IQSEC1: variants seen among roughly 807,000 people sequenced by gnomAD.
IQSEC1 encodes the protein IQ motif and SEC7 domain-containing protein 1.
A neutral mutation model predicts 91.0 loss-of-function variants in IQSEC1; 31 were observed. The observed-to-expected ratio is 0.34, with a 90% confidence interval of 0.26 to 0.46. IQSEC1 has a LOEUF of 0.46. IQSEC1 is among the 20% of genes least tolerant of loss of function. The pLI, the probability that IQSEC1 is intolerant of heterozygous loss-of-function variation, is 1.00. For synonymous variants in IQSEC1, 699 were observed against 662.6 expected, an observed-to-expected ratio of 1.05 and a Z score of -0.84; for missense variants, 1,388 against 1,575.6, an observed-to-expected ratio of 0.88 and a Z score of 2.02.
chr3:13,101,171 C>A (rs935325473), intron 2 of IQSEC1, among the ~76,000 whole-genome samples: 1 of 152,150 alleles, frequency 6.6e-6, no homozygotes, highest in Non-Finnish European at 1.5e-5. Flanking sequence ...TGACACGATG[C>A]GACTTCTGTT....
At chr3:13,044,051 A>AAGGCTGCTCAGCTTCCAAGGGCC (rs1162367019) in intron 1 of IQSEC1, among the ~76,000 whole-genome samples, 19 of 152,150 alleles carry the variant, frequency 1.2e-4, no homozygotes, top group African/African-American at 4.6e-4. Context: ...TGCCTCTAGC[A>AAGGCTGCTCAGCTTCCAAGGGCC]AGGCTGCTCA....
At chr3:13,065,183 G>A (rs558993140) in intron 1 of IQSEC1, among the ~76,000 whole-genome samples, 24 of 152,334 alleles carry the variant, frequency 1.6e-4, no homozygotes, top group African/African-American at 5.1e-4. Context: ...CAAGTTGAGC[G>A]TTTCATTGGC....
In IQSEC1 at chr3:12,909,519, G is replaced by T; in HGVS notation, c.2417-85C>A. 1 of 1,367,446 alleles carries T rather than the reference G, an allele frequency of 7.3e-7. No individual in the cohort carries two copies. Among genetic ancestry groups the T allele is most frequent in the Non-Finnish European group, 1.0e-6 (1 of 982,910 alleles). The allele number at this position is 1,367,446 out of a possible 1,614,324, so 84.7% of individuals were successfully genotyped here. ...CCTCTCTGGTCAGGAAACAATGGTAGGGCTGAGTTGTGCGTGAGCCTGGGA... is the reference window on the plus strand; with the variant it reads ...CCTCTCTGGTCAGGAAACAATGGTATGGCTGAGTTGTGCGTGAGCCTGGGA... On this transcript the variant is annotated intron_variant, in intron 10 of 13. Coordinates refer to ENST00000613206, the MANE Select transcript of IQSEC1 (RefSeq NM_001134382.3). This position sits in a 1 kb window ranked among gnomAD's most constrained non-coding sequence, Gnocchi z 4.9.
chr3:12,902,942 G>A (rs992479447), intron 12 of IQSEC1, 120 bp from the exon 13 acceptor site: 13 of 766,636 alleles, frequency 1.7e-5, no homozygotes, highest in African/African-American at 1.2e-4. Flanking sequence ...CACAGGTGCC[G>A]GGCCCACCTG....
At chr3:13,041,877 C>T (rs1704285369) in intron 1 of IQSEC1, among the ~76,000 whole-genome samples, 1 of 152,224 alleles carries the variant, frequency 6.6e-6, no homozygotes, top group South Asian at 2.1e-4. Flanking sequence ...TCTGCCTCCC[C>T]AAACTTGTGC....
intron 1 of IQSEC1, among the ~76,000 whole-genome samples, chr3:13,189,117 T>C (rs1693979202): frequency 6.6e-6 from 1 of 152,156 alleles, no homozygotes; most frequent in Non-Finnish European, 1.5e-5. Context: ...GCCCCTCCTA[T>C]CAACAGGTAG....
In IQSEC1 at chr3:12,936,161, C is replaced by T. The variant is rs772363453; in HGVS notation, c.855G>A (p.Ser285=). 73 of 1,612,608 alleles carry T rather than the reference C, an allele frequency of 4.5e-5. No individual in the cohort carries two copies. Among genetic ancestry groups the T allele is most frequent in the Non-Finnish European group, 5.5e-5 (65 of 1,179,952 alleles). ...CGATGTACAGGGTGACATCACTGTA[C>T]GAGGCCGTCATCTCGTCCAGTTTGC... ...DHRKLDEMTA[S]YSDVTLYIDE... Residue 285 remains serine (S), a synonymous_variant, in exon 3 of 14, where the codon TCG becomes TCA. Coordinates refer to ENST00000613206, the MANE Select transcript of IQSEC1 (RefSeq NM_001134382.3).
chr3:13,186,410 G>T (rs1693932405), intron 1 of IQSEC1, among the ~76,000 whole-genome samples: 1 of 152,202 alleles, frequency 6.6e-6, no homozygotes, highest in African/African-American at 2.4e-5. Context: ...GACAAAAAGG[G>T]TGTTTATGAC....
chr3:12,995,290 TC>T (rs1344423046), intron 1 of IQSEC1, among the ~76,000 whole-genome samples: 1 of 152,196 alleles, frequency 6.6e-6, no homozygotes, highest in East Asian at 1.9e-4. Context: ...GCAAGACGTT[TC>T]CCCCTCTGGA....
chr3:13,274,183 C>T (rs1030928977), intron 1 of IQSEC1, among the ~76,000 whole-genome samples: 4 of 152,162 alleles, frequency 2.6e-5, no homozygotes, highest in African/African-American at 9.7e-5. Flanking sequence ...GAATCTCATC[C>T]ACAAACATGC....
Position 13,244,854 on chromosome 3 carries a change from G to A in IQSEC1, c.272+37857C>T, listed in dbSNP as rs188058504. On this transcript the variant is annotated intron_variant, in intron 1 of 15. Transcript: ENST00000648114. Reference sequence around the variant, plus strand: ...ACAACACAGCACAATGACAGGCACCGTGGCACCAGCCAACTGCTCAGGAAG... The same window carrying A: ...ACAACACAGCACAATGACAGGCACCATGGCACCAGCCAACTGCTCAGGAAG... 4.6e-5 allele frequency among the ~76,000 whole-genome samples: 7 copies of A among 152,226 alleles called. No individual in the cohort carries two copies. In the East Asian group the frequency reaches 5.8e-4, roughly 13 times the overall value.
At chr3:13,265,044 C>A (rs1255748943) in intron 1 of IQSEC1, among the ~76,000 whole-genome samples, 1 of 152,214 alleles carries the variant, frequency 6.6e-6, no homozygotes, top group Non-Finnish European at 1.5e-5. Context: ...CCTTCTCCCC[C>A]TGGAAAGCAG....
chr3:13,229,401 G>A (rs887856722), intron 1 of IQSEC1, among the ~76,000 whole-genome samples: 2 of 152,218 alleles, frequency 1.3e-5, no homozygotes, highest in African/African-American at 4.8e-5. Context: ...CATCACAGGG[G>A]AAGCCCTCAT....
At chr3:12,960,292 G>A (rs1700165924) in intron 1 of IQSEC1, 2 of 152,122 alleles carry the variant, frequency 1.3e-5, no homozygotes, top group Non-Finnish European at 2.9e-5. Flanking sequence ...TGACTTCCTG[G>A]GGCTGGCGAA....
upstream of IQSEC1, among the ~76,000 whole-genome samples, chr3:13,075,938 G>A (rs1454165885): frequency 6.6e-6 from 1 of 152,148 alleles, no homozygotes; most frequent in Non-Finnish European, 1.5e-5. Context: ...TGCAGGCTGA[G>A]CTTCACCTAC....
chr3:13,060,284 C>A (rs1432390960), intron 1 of IQSEC1, among the ~76,000 whole-genome samples: 1 of 152,028 alleles, frequency 6.6e-6, no homozygotes, highest in Non-Finnish European at 1.5e-5. Context: ...TGTTGGGATG[C>A]AAAGAGGAGG....
intron 1 of IQSEC1, among the ~76,000 whole-genome samples, chr3:12,957,211 G>C (rs1699963738): frequency 6.6e-6 from 1 of 152,174 alleles, no homozygotes; most frequent in African/African-American, 2.4e-5. Context: ...AAGATACAAA[G>C]TTTACAAGAC....
intron 2 of IQSEC1, among the ~76,000 whole-genome samples, chr3:13,133,970 T>C (rs1279836805): frequency 6.6e-6 from 1 of 152,218 alleles, no homozygotes; most frequent in South Asian, 2.1e-4. Context: ...ATGATGACTC[T>C]CAATCTGAGG....
intron 2 of IQSEC1, among the ~76,000 whole-genome samples, chr3:13,155,231 T>C (rs1707066497): frequency 6.6e-6 from 1 of 152,090 alleles, no homozygotes; most frequent in African/African-American, 2.4e-5. Context: ...ATTGACAAAA[T>C]TGACGATTCA....
Sources: gnomAD v4.1 joint callset for allele counts (sites outside exome capture counted in the v4.1 genomes callset) on GRCh38, gnomAD v4.1.1 for gene constraint, Gnocchi (gnomAD v3.1) non-coding constraint, MANE v1.5 for transcripts, NCBI Gene and HGNC (gene_info 2026-07-23, HGNC 2026-07-21) for gene names.